The following CMIP variants were observed in gnomAD, a reference collection of about 807,000 sequenced individuals.
CMIP encodes c-Maf inducing protein.
Under a neutral mutation model 97.3 loss-of-function variants are expected in CMIP, and 13 were observed. That is an observed-to-expected ratio of 0.13 (90% confidence interval 0.09 to 0.21). The LOEUF (loss-of-function observed/expected upper bound fraction) is 0.21, where lower values mean the gene tolerates loss of function less well. Ranked by LOEUF, CMIP falls within the 10% of genes least tolerant of loss-of-function variation. CMIP has a pLI of 1.00. For synonymous variants in CMIP, 538 were observed against 436.3 expected, an observed-to-expected ratio of 1.23 and a Z score of -2.91; for missense variants, 847 against 1,024.9, an observed-to-expected ratio of 0.83 and a Z score of 2.37.
chr16:81,659,146 C>T (rs1250085852), intron 5 of CMIP, among the ~76,000 whole-genome samples: 1 of 152,246 alleles, frequency 6.6e-6, no homozygotes, highest in East Asian at 1.9e-4. Flanking sequence ...CACCCCCAAT[C>T]ACTCACCACC....
At chr16:81,654,124 G>A (rs2092458159) in intron 4 of CMIP, among the ~76,000 whole-genome samples, 1 of 152,202 alleles carries the variant, frequency 6.6e-6, no homozygotes, top group Admixed American at 6.5e-5. Flanking sequence ...GCAGTGCTGA[G>A]GGCAGCAGAC....
intron 10 of CMIP, among the ~76,000 whole-genome samples, chr16:81,682,733 A>C (rs984027160): frequency 2.6e-5 from 4 of 152,230 alleles, no homozygotes; most frequent in African/African-American, 9.6e-5. Context: ...GCCAGGGAGC[A>C]GGGGTAGTGG....
chr16:81,641,361 G>T (rs2092304784), intron 3 of CMIP, among the ~76,000 whole-genome samples: 1 of 151,994 alleles, frequency 6.6e-6, no homozygotes, highest in Non-Finnish European at 1.5e-5. Flanking sequence ...GAACAGATGA[G>T]ATGTCATCCC....
intron 2 of CMIP, chr16:81,618,511 C>G (rs1347686562): frequency 6.6e-6 from 1 of 152,252 alleles, no homozygotes; most frequent in Non-Finnish European, 1.5e-5. Context: ...TCCTTACCAC[C>G]TCCTTCTCTC....
intron 3 of CMIP, among the ~76,000 whole-genome samples, chr16:81,648,145 C>G (rs1425978168): frequency 1.3e-5 from 2 of 148,852 alleles, no homozygotes; most frequent in African/African-American, 4.9e-5. Context: ...ATTCTTGACA[C>G]TTCTTCAGGA....
At chr16:81,553,934 A>G (rs2090711525) in intron 1 of CMIP, among the ~76,000 whole-genome samples, 1 of 152,198 alleles carries the variant, frequency 6.6e-6, no homozygotes. Flanking sequence ...ACACCCTCCT[A>G]GGCACTGGAG....
intron 3 of CMIP, among the ~76,000 whole-genome samples, chr16:81,647,288 A>G (rs4888161): frequency 0.42 from 64,368 of 152,120 alleles, 14,792 homozygotes; most frequent in African/African-American, 0.6. Flanking sequence ...ACTGTTTTCT[A>G]CAAAGGGCCA....
intron 1 of CMIP, among the ~76,000 whole-genome samples, chr16:81,475,409 G>T (rs143070448): frequency 6.6e-6 from 1 of 152,148 alleles, no homozygotes; most frequent in Non-Finnish European, 1.5e-5. Flanking sequence ...TCTCTGCCCC[G>T]ACTTTGATGT....
At chr16:81,593,590 A>G (rs1048280144) in intron 1 of CMIP, among the ~76,000 whole-genome samples, 15 of 152,204 alleles carry the variant, frequency 9.9e-5, no homozygotes, top group Non-Finnish European at 1.5e-4. Context: ...CTTGGCAAGC[A>G]TTTCAGCAAA....
At position 81,709,832 on chromosome 16, in the gene CMIP, A is replaced by C. The variant is rs752704663; in HGVS notation, c.*33A>C. On this transcript the variant is annotated 3_prime_UTR_variant, in exon 21 of 21. Coordinates refer to ENST00000537098, the MANE Select transcript of CMIP (RefSeq NM_198390.3). ...AGCTCAAGGCAGGAAGACGTTTGCAACCGCGACAAAATAACTCTTGACTAA... is the reference window on the plus strand; with the variant it reads ...AGCTCAAGGCAGGAAGACGTTTGCACCCGCGACAAAATAACTCTTGACTAA... 1.9e-6 allele frequency: 3 copies of C among 1,599,356 alleles called. No homozygotes were observed. The African/African-American group carries it at 4.0e-5, about 22-fold the overall frequency.
intron 10 of CMIP, among the ~76,000 whole-genome samples, chr16:81,684,576 G>C (rs1044902938): frequency 1.3e-5 from 2 of 152,256 alleles, no homozygotes; most frequent in African/African-American, 2.4e-5. Flanking sequence ...CCCGGGCTTT[G>C]CACTCACAAA....
At chr16:81,521,459 C>T (rs1375410990) in intron 1 of CMIP, among the ~76,000 whole-genome samples, 4 of 152,032 alleles carry the variant, frequency 2.6e-5, no homozygotes, top group African/African-American at 9.7e-5. Context: ...AGGTCGGCTG[C>T]CTCCCTGAAA....
At chr16:81,631,128 G>A (rs970102124) in intron 3 of CMIP, 2 of 152,358 alleles carry the variant, frequency 1.3e-5, no homozygotes, top group Non-Finnish European at 2.9e-5. Flanking sequence ...GGGAAAGAGA[G>A]CTCATGTCTC....
intron 10 of CMIP, among the ~76,000 whole-genome samples, chr16:81,682,284 GC>G (rs1904948746): frequency 6.6e-6 from 1 of 152,106 alleles, no homozygotes; most frequent in Non-Finnish European, 1.5e-5. Flanking sequence ...AAAAGAAGCA[GC>G]CAGGCTCGGT....
intron 1 of CMIP, among the ~76,000 whole-genome samples, chr16:81,599,849 T>G (rs1456627146): frequency 3.3e-5 from 5 of 152,144 alleles, no homozygotes; most frequent in African/African-American, 1.2e-4. Flanking sequence ...GGATTATATA[T>G]AAAGCTCTTA....
chr16:81,710,198 CT>C lies in CMIP; in HGVS notation c.*401del. ...TTGCGGGCCGGACGAAGGATGCTTT[CT>C]TCCTAGAGGCTCCGAGCTGAGCTGC... On this transcript the variant is annotated 3_prime_UTR_variant, in exon 21 of 21. Transcript: ENST00000537098. 2 of 258,780 alleles carry C rather than the reference CT, an allele frequency of 7.7e-6. No individual in the cohort carries two copies. Among genetic ancestry groups the C allele is most frequent in the Non-Finnish European group, 1.5e-5 (2 of 131,582 alleles). The allele number at this position is 258,780 out of a possible 1,614,324, so 16.0% of individuals were successfully genotyped here. A position where few individuals can be genotyped will look rare whatever the true frequency, so the allele number is the denominator to read the frequency against.
At chr16:81,632,565 A>G (rs2150976686) in intron 3 of CMIP, among the ~76,000 whole-genome samples, 1 of 152,348 alleles carries the variant, frequency 6.6e-6, no homozygotes, top group South Asian at 2.1e-4. Context: ...GCTGTCATCC[A>G]CATAGGGAGA....
chr16:81,596,761 A>G (rs2091564527), intron 1 of CMIP, among the ~76,000 whole-genome samples: 1 of 152,094 alleles, frequency 6.6e-6, no homozygotes, highest in African/African-American at 2.4e-5. Context: ...TAGAGTAGTG[A>G]CCATTCAACA....
intron 1 of CMIP, among the ~76,000 whole-genome samples, chr16:81,567,470 T>C (rs1292309845): frequency 1.3e-5 from 2 of 152,228 alleles, no homozygotes; most frequent in Non-Finnish European, 2.9e-5. Context: ...CAGTGTGGCC[T>C]GGAGGGAGGC....
Sources: allele counts gnomAD v4.1 joint callset (sites outside exome capture counted in the v4.1 genomes callset), GRCh38; gene constraint gnomAD v4.1.1; transcripts MANE v1.5; gene names NCBI Gene and HGNC (gene_info 2026-07-23, HGNC 2026-07-21).